PCDHGB5: variants seen among roughly 807,000 people sequenced by gnomAD.
The protein encoded by PCDHGB5 is protocadherin gamma subfamily B, 5, also known as protocadherin gamma-B5.
In PCDHGB5, 48 loss-of-function variants were observed where a neutral mutation model predicts 62.9. That is an observed-to-expected ratio of 0.76 (90% confidence interval 0.61 to 0.97). The LOEUF (loss-of-function observed/expected upper bound fraction) is 0.97, where lower values mean the gene tolerates loss of function less well. PCDHGB5 is among the 50% of genes least tolerant of loss of function. PCDHGB5 has a pLI of 0.00. For synonymous variants in PCDHGB5, 474 were observed against 511.2 expected, an observed-to-expected ratio of 0.93 and a Z score of 0.98; for missense variants, 1,118 against 1,198.6, an observed-to-expected ratio of 0.93 and a Z score of 0.99.
chr5:141,494,742 G>A (rs1223104681), intron 1 of PCDHGB5, 65 bp from the exon 2 acceptor site: 10 of 1,611,946 alleles, frequency 6.2e-6, no homozygotes, highest in Non-Finnish European at 8.5e-6. Context: ...CCCATCCCTA[G>A]GGGCTCGGGT....
At chr5:141,460,924 A>ATATG (rs1561985817) in intron 1 of PCDHGB5, among the ~76,000 whole-genome samples, 10 of 150,588 alleles carry the variant, frequency 6.6e-5, no homozygotes, top group East Asian at 3.9e-4. Flanking sequence ...ATATATATAT[A>ATATG]TGTGTGTGTG....
In PCDHGB5 at chr5:141,432,916, G is replaced by C; in HGVS notation, c.2397+32392G>C. ...TGCTGGCGCTCAGGCTGCGGCGCTG[G>C]CACAAGTCACGCCTGCTGCAGGCTT... On this transcript the variant is annotated intron_variant, in intron 1 of 3. Coordinates refer to ENST00000617380, the MANE Select transcript of PCDHGB5 (RefSeq NM_018925.3). The surrounding 1 kb of genome is among the most constrained non-coding windows in gnomAD (Gnocchi z 6.0). 1 of 1,614,196 alleles carries C rather than the reference G, an allele frequency of 6.2e-7. No homozygotes were observed. The highest frequency in any genetic ancestry group is 8.5e-7 in the Non-Finnish European group (1 of 1,180,040).
rs1327610213 is a variant in PCDHGB5 at position 141,423,493 on chromosome 5, C to T, written c.2397+22969C>T. 5 of 1,613,984 alleles carry T rather than the reference C, an allele frequency of 3.1e-6. No homozygotes were observed. In the South Asian group the frequency reaches 5.5e-5, roughly 18 times the overall value. On this transcript the variant is annotated intron_variant, in intron 1 of 3. Coordinates refer to ENST00000617380, the MANE Select transcript of PCDHGB5 (RefSeq NM_018925.3). The stretch of plus-strand genomic sequence containing the variant: ...ACAGGCTTTCCTGCAAACCTATTCC[C>T]ACGAGGTCTCTCTCATTGCGGACTC...
chr5:141,414,375 G>C, intron 1 of PCDHGB5: 1 of 1,613,854 alleles, frequency 6.2e-7, no homozygotes, highest in Non-Finnish European at 8.5e-7. Flanking sequence ...AATTAGAAAA[G>C]TCCATTGACA....
Position 141,489,273 on chromosome 5 carries a change from G to GA in PCDHGB5, c.2398-5531dup. The GA allele has an allele frequency of 6.4e-7, 1 of 1,555,870 alleles. No individual in the cohort carries two copies. The highest frequency in any genetic ancestry group is 2.2e-5 in the East Asian group (1 of 44,466). On this transcript the variant is annotated intron_variant, in intron 1 of 3. Coordinates refer to ENST00000617380, the MANE Select transcript of PCDHGB5 (RefSeq NM_018925.3). The surrounding 1 kb of genome is among the most constrained non-coding windows in gnomAD (Gnocchi z 4.5). ...CCAAGACACTCCCACAGCTCGCTGG[G>GA]AAATGGCAAGTGCTGTGCATGTTGT...
rs1481151067 is a variant in PCDHGB5, at chr5:141,477,223, T to A, written c.2398-17584T>A. On this transcript the variant is annotated intron_variant, in intron 1 of 3. Transcript: ENST00000617380. This position sits in a 1 kb window ranked among gnomAD's most constrained non-coding sequence, Gnocchi z 4.9. ...TACCCGAGGATGCCCCTCTGGGGAC[T>A]GTCATCGCTTTGCTCAGTGTGACTG... The A allele has an allele frequency of 6.2e-7, 1 of 1,614,198 alleles. No individual in the cohort carries two copies. The highest frequency in any genetic ancestry group is 1.1e-5 in the South Asian group (1 of 91,084).
chr5:141,491,131 G>A lies in PCDHGB5; in HGVS notation c.2398-3676G>A. 1 of 1,614,182 alleles carries A rather than the reference G, an allele frequency of 6.2e-7. No individual in the cohort carries two copies. Among genetic ancestry groups the A allele is most frequent in the Non-Finnish European group, 8.5e-7 (1 of 1,180,008 alleles). ...TACACACACTGGTGAGGTGCGCACA[G>A]CCCGGGCCTTACTGGAGGATGACTC... On this transcript the variant is annotated intron_variant, in intron 1 of 3. Coordinates refer to ENST00000617380, the MANE Select transcript of PCDHGB5 (RefSeq NM_018925.3). This position sits in a 1 kb window ranked among gnomAD's most constrained non-coding sequence, Gnocchi z 6.9.
chr5:141,487,802 C>G lies in PCDHGB5; in HGVS notation c.2398-7005C>G. On this transcript the variant is annotated intron_variant, in intron 1 of 3. Transcript: ENST00000617380. The surrounding 1 kb of genome is among the most constrained non-coding windows in gnomAD (Gnocchi z 5.0). ...TTTCGTGAATTAACCAGAGTTGTCACAGTTTAGCATTGGGGGCGGGTCATG... is the reference window on the plus strand; with the variant it reads ...TTTCGTGAATTAACCAGAGTTGTCAGAGTTTAGCATTGGGGGCGGGTCATG... 6.8e-7 allele frequency: 1 copy of G among 1,477,424 alleles called. No homozygotes were observed. The allele number at this position is 1,477,424 out of a possible 1,614,324, so 91.5% of individuals were successfully genotyped here.
chr5:141,469,802 C>T (rs2099211446), intron 1 of PCDHGB5, among the ~76,000 whole-genome samples: 1 of 152,022 alleles, frequency 6.6e-6, no homozygotes, highest in Admixed American at 6.6e-5. Flanking sequence ...ATTGCAAAAA[C>T]ATTGTAGATA....
chr5:141,439,171 C>T (rs948650584), intron 1 of PCDHGB5, among the ~76,000 whole-genome samples: 3 of 146,478 alleles, frequency 2.0e-5, no homozygotes, highest in Non-Finnish European at 3.0e-5. Context: ...CCAGCCTGGG[C>T]GACATAGTGA....
Position 141,454,796 on chromosome 5 carries a change from A to ATTTTTTTTTTTTT in PCDHGB5, c.2398-39994_2398-39982dup, listed in dbSNP as rs61612330. On this transcript the variant is annotated intron_variant, in intron 1 of 3. Coordinates refer to ENST00000617380, the MANE Select transcript of PCDHGB5 (RefSeq NM_018925.3). ...AAGGAAATAATCCTCCATGGTTCTAATTTTTTTTTTTTTTTTTTTTTTTTT... is the reference window on the plus strand; with the variant it reads ...AAGGAAATAATCCTCCATGGTTCTAATTTTTTTTTTTTTTTTTTTTTTTTTTTTTTTTTTTTTT... Among the ~76,000 whole-genome samples the ATTTTTTTTTTTTT allele has an allele frequency of 1.7e-3, 135 of 77,462 alleles. 8 individuals carry two copies. The highest frequency in any genetic ancestry group is 2.5e-3 in the Admixed American group (14 of 5,554). The allele number at this position is 77,462 out of a possible 152,430, so 50.8% of individuals were successfully genotyped here.
intron 1 of PCDHGB5, among the ~76,000 whole-genome samples, chr5:141,459,678 G>A (rs1240789253): frequency 2.0e-5 from 3 of 152,184 alleles, no homozygotes; most frequent in African/African-American, 7.2e-5. Flanking sequence ...CATGAGCAAT[G>A]CATAAAGCGT....
chr5:141,418,707 G>T (rs2096282239), intron 1 of PCDHGB5: 1 of 1,614,016 alleles, frequency 6.2e-7, no homozygotes, highest in Non-Finnish European at 8.5e-7. Context: ...TCCTTCTTTG[G>T]TGTGGCTGAC....
chr5:141,505,653 G>A (rs1049630228), intron 3 of PCDHGB5, among the ~76,000 whole-genome samples, 172 bp downstream of exon 3: 1 of 152,184 alleles, frequency 6.6e-6, no homozygotes, highest in Non-Finnish European at 1.5e-5. Context: ...TTGTGGCTAA[G>A]GAACAGCAGA....
chr5:141,429,751 A>AT (rs2097241304), intron 1 of PCDHGB5, among the ~76,000 whole-genome samples: 1 of 152,110 alleles, frequency 6.6e-6, no homozygotes, highest in African/African-American at 2.4e-5. Flanking sequence ...CTTAGGGAGA[A>AT]TTTTTTCCCT....
At chr5:141,484,672 A>G (rs1253641119) in intron 1 of PCDHGB5, among the ~76,000 whole-genome samples, 1 of 151,990 alleles carries the variant, frequency 6.6e-6, no homozygotes, top group African/African-American at 2.4e-5. Flanking sequence ...AGTGGGCCGC[A>G]GGTTGCTAGG....
rs1193417991 is a variant in PCDHGB5 at position 141,491,413 on chromosome 5, G to T, written c.2398-3394G>T. The T allele has an allele frequency of 6.2e-7, 1 of 1,614,064 alleles. No individual in the cohort carries two copies. Among genetic ancestry groups the T allele is most frequent in the South Asian group, 1.1e-5 (1 of 91,074 alleles). ...CCTTCAGGGAAACGCAGACGGGGAC[G>T]GGGGTGGAGGGCAGTGCTGCAGGCG... On this transcript the variant is annotated intron_variant, in intron 1 of 3. Transcript: ENST00000617380. This position sits in a 1 kb window ranked among gnomAD's most constrained non-coding sequence, Gnocchi z 6.9.
Position 141,432,072 on chromosome 5 carries a change from T to C in PCDHGB5, c.2397+31548T>C, listed in dbSNP as rs1236871982. The C allele has an allele frequency of 6.2e-7, 1 of 1,614,178 alleles. No homozygotes were observed. The highest frequency in any genetic ancestry group is 8.5e-7 in the Non-Finnish European group (1 of 1,180,032). On this transcript the variant is annotated intron_variant, in intron 1 of 3. Coordinates refer to ENST00000617380, the MANE Select transcript of PCDHGB5 (RefSeq NM_018925.3). This position sits in a 1 kb window ranked among gnomAD's most constrained non-coding sequence, Gnocchi z 6.0. ...CCGCCCCTATCCACGGAAACTCATA[T>C]CTCGCTGAACGTGGCAGACACCAAC...
At chr5:141,500,877 A>ATT (rs369345007) in intron 2 of PCDHGB5, among the ~76,000 whole-genome samples, 3 of 122,284 alleles carry the variant, frequency 2.5e-5, no homozygotes, top group Admixed American at 2.4e-4. Flanking sequence ...TTCATTTACA[A>ATT]TTTTTTTTTT....
Sources: allele counts gnomAD v4.1 joint callset (sites outside exome capture counted in the v4.1 genomes callset), GRCh38; gene constraint gnomAD v4.1.1; non-coding constraint Gnocchi (gnomAD v3.1); transcripts MANE v1.5; gene names NCBI Gene and HGNC (gene_info 2026-07-23, HGNC 2026-07-21).